ANO1: variants seen among roughly 807,000 people sequenced by gnomAD.
The protein encoded by ANO1 is anoctamin 1.
A neutral mutation model predicts 124.0 loss-of-function variants in ANO1; 59 were observed. The ratio of observed to expected loss-of-function variants is 0.48; its 90% CI spans 0.39 to 0.59. The LOEUF (loss-of-function observed/expected upper bound fraction) is 0.59. Ranked by LOEUF, ANO1 falls within the 20% of genes least tolerant of loss-of-function variation. ANO1 has a pLI of 0.00. For missense variants in ANO1, 1,059 were observed against 1,328.0 expected (o/e 0.80, Z 3.15); for synonymous variants, 529 against 532.0 (o/e 0.99, Z 0.08).
chr11:70,171,065 A>G (rs774022449), intron 22 of ANO1, 26 bp downstream of exon 22: 21 of 1,606,008 alleles, frequency 1.3e-5, no homozygotes, highest in African/African-American at 2.7e-5. Flanking sequence ...GGCCGGCAGA[A>G]CCGGTTCCGA....
upstream of ANO1, among the ~76,000 whole-genome samples, chr11:69,982,547 A>G (rs531297910): frequency 3.9e-5 from 6 of 152,346 alleles, no homozygotes; most frequent in Admixed American, 2.0e-4. Flanking sequence ...TAATCCCTAC[A>G]GCATGTCAGG....
At chr11:70,146,679 G>T (rs1303817606) in intron 11 of ANO1, among the ~76,000 whole-genome samples, 1 of 152,184 alleles carries the variant, frequency 6.6e-6, no homozygotes, top group African/African-American at 2.4e-5. Context: ...ATCAGTCTGA[G>T]TCCCAAAACC....
intron 1 of ANO1, chr11:70,018,084 G>C (rs567825677): frequency 6.6e-6 from 1 of 152,326 alleles, no homozygotes; most frequent in East Asian, 2.0e-4. Flanking sequence ...GCCAGGCATG[G>C]TGGCTCATGC....
At chr11:70,157,979 CAAAAAAAAAAAA>C (rs548012147) in intron 16 of ANO1, among the ~76,000 whole-genome samples, 1 of 74,294 alleles carries the variant, frequency 1.3e-5, no homozygotes, top group South Asian at 4.9e-4. Flanking sequence ...GACCCTGTCT[CAAAAAAAAAAAA>C]AAAAAAAAAA....
chr11:70,122,034 CCTCT>C (rs1247257180), intron 8 of ANO1, among the ~76,000 whole-genome samples: 2 of 133,686 alleles, frequency 1.5e-5, no homozygotes, highest in Non-Finnish European at 3.2e-5. Context: ...ATCTCCCCCG[CCTCT>C]CTCTGTCTCT....
Position 70,162,955 on chromosome 11 carries a change from C to T in ANO1, c.1893-328C>T, listed in dbSNP as rs566109510. On this transcript the variant is annotated intron_variant, in intron 18 of 25. Coordinates refer to ENST00000355303, the MANE Select transcript of ANO1 (RefSeq NM_018043.7). ...GCGGCACATCCTGAGTCCCAGGCAG[C>T]TAGCGCAGCAGCTTGCAGTCTTCAG... is the stretch of plus-strand genomic sequence containing the variant. Among the ~76,000 whole-genome samples, 7 of 152,390 alleles carry T rather than the reference C, an allele frequency of 4.6e-5. No individual in the cohort carries two copies. In the South Asian group the frequency reaches 1.4e-3, roughly 32 times the overall value.
intron 8 of ANO1, among the ~76,000 whole-genome samples, chr11:70,123,363 GT>G (rs1434976585): frequency 2.6e-5 from 4 of 152,308 alleles, no homozygotes; most frequent in Non-Finnish European, 5.9e-5. Flanking sequence ...CTGTTTGTCA[GT>G]GGGGGGTCTC....
chr11:69,998,541 A>G (rs868915981), intron 1 of ANO1, among the ~76,000 whole-genome samples: 1 of 152,232 alleles, frequency 6.6e-6, no homozygotes, highest in African/African-American at 2.4e-5. Flanking sequence ...GTTCGAAGCC[A>G]TTATTAATAA....
At chr11:70,179,762 T>C (rs2048864057) in intron 22 of ANO1, among the ~76,000 whole-genome samples, 1 of 152,368 alleles carries the variant, frequency 6.6e-6, no homozygotes, top group South Asian at 2.1e-4. Flanking sequence ...AGGGAGCAGC[T>C]GTCTTTAAGC....
At chr11:70,110,874 T>C (rs1240024721) in intron 6 of ANO1, among the ~76,000 whole-genome samples, 1 of 152,218 alleles carries the variant, frequency 6.6e-6, no homozygotes, top group African/African-American at 2.4e-5. Flanking sequence ...TCCGGTCCTC[T>C]CTCGCAGTCT....
intron 7 of ANO1, among the ~76,000 whole-genome samples, chr11:70,115,541 A>G (rs913234385): frequency 2.0e-5 from 3 of 152,102 alleles, no homozygotes; most frequent in Admixed American, 6.6e-5. Context: ...TGAACCTGGA[A>G]GCGAAGGTTG....
At chr11:69,987,839 C>T (rs1444668285) in intron 1 of ANO1, among the ~76,000 whole-genome samples, 3 of 152,124 alleles carry the variant, frequency 2.0e-5, no homozygotes, top group African/African-American at 7.2e-5. Context: ...GATGTGAGGA[C>T]CTGGAGTGTT....
At chr11:70,007,547 T>G (rs1283684307) in intron 1 of ANO1, among the ~76,000 whole-genome samples, 1 of 152,236 alleles carries the variant, frequency 6.6e-6, no homozygotes, top group African/African-American at 2.4e-5. Context: ...CCCAAAGTGC[T>G]GGGATTACAG....
At chr11:70,174,920 AAAAAGAAAAGAAAAG>A (rs59754818) in intron 22 of ANO1, among the ~76,000 whole-genome samples, 1 of 149,818 alleles carries the variant, frequency 6.7e-6, no homozygotes, top group Admixed American at 6.7e-5. Flanking sequence ...AAAGAAAAGA[AAAAAGAAAAGAAAAG>A]AAAAGAAAAG....
chr11:70,095,735 C>T (rs909477552), intron 2 of ANO1, among the ~76,000 whole-genome samples: 17 of 152,224 alleles, frequency 1.1e-4, no homozygotes, highest in Non-Finnish European at 2.1e-4. Flanking sequence ...GGGCTTCCCT[C>T]GCCCCCGCAG....
intron 1 of ANO1, among the ~76,000 whole-genome samples, chr11:69,987,973 G>T (rs1163116147): frequency 6.6e-6 from 1 of 152,194 alleles, no homozygotes; most frequent in Non-Finnish European, 1.5e-5. Context: ...TGTGTGTGGG[G>T]TGGAATCGTG....
At chr11:70,122,024 A>C (rs11234815) in intron 8 of ANO1, among the ~76,000 whole-genome samples, 81 of 59,480 alleles carry the variant, frequency 1.4e-3, no homozygotes, top group Admixed American at 3.0e-3. Context: ...CTCTCTCTCC[A>C]TCTCCCCCGC....
At chr11:70,184,407 A>G (rs2049033034) in intron 24 of ANO1, among the ~76,000 whole-genome samples, 2 of 152,160 alleles carry the variant, frequency 1.3e-5, no homozygotes, top group Admixed American at 1.3e-4. Flanking sequence ...GGCTCCAATC[A>G]TATCCACGAA....
At chr11:70,022,104 G>A (rs1555002679) in intron 1 of ANO1, among the ~76,000 whole-genome samples, 1 of 152,130 alleles carries the variant, frequency 6.6e-6, no homozygotes, top group Non-Finnish European at 1.5e-5. Flanking sequence ...AAATCCCAGA[G>A]GAAAAAATGC....
Sources: gnomAD v4.1 joint callset for allele counts (sites outside exome capture counted in the v4.1 genomes callset) on GRCh38, gnomAD v4.1.1 for gene constraint, MANE v1.5 for transcripts, NCBI Gene and HGNC (gene_info 2026-07-23, HGNC 2026-07-21) for gene names.